The following TG variants were observed in gnomAD, a reference collection of about 807,000 sequenced individuals.
The protein encoded by TG is thyroid hormones.
Under a neutral mutation model 324.7 loss-of-function variants are expected in TG, and 270 were observed. The observed-to-expected ratio is 0.83, with a 90% CI of 0.75 to 0.92. The LOEUF is 0.92. Among genes scored for constraint, TG ranks in the 40% least tolerant of loss-of-function variants. The probability of loss-of-function intolerance (pLI) is 0.00; values close to 1 mark genes in which losing one functional copy is unlikely to be tolerated. For missense variants in TG, 3,591 were observed against 3,456.4 expected, an observed-to-expected ratio of 1.04 and a Z score of -0.98; for synonymous variants, 1,401 against 1,327.0, an observed-to-expected ratio of 1.06 and a Z score of -1.21.
chr8:133,085,550 G>A (rs1846391634), intron 41 of TG, among the ~76,000 whole-genome samples: 1 of 152,116 alleles, frequency 6.6e-6, no homozygotes, highest in African/African-American at 2.4e-5. Context: ...CAAGGGATCT[G>A]AATAGACATT....
chr8:132,894,467 T>C (rs967838713), intron 11 of TG, among the ~76,000 whole-genome samples: 4 of 152,048 alleles, frequency 2.6e-5, no homozygotes, highest in African/African-American at 9.7e-5. Flanking sequence ...TATGCTTTTT[T>C]TTTTTTTTTG....
intron 41 of TG, among the ~76,000 whole-genome samples, chr8:133,093,805 T>A (rs1265969092): frequency 6.6e-6 from 1 of 152,196 alleles, no homozygotes; most frequent in Non-Finnish European, 1.5e-5. Flanking sequence ...GTTTGGCCGC[T>A]GGGGTCAGAT....
intron 41 of TG, among the ~76,000 whole-genome samples, chr8:133,045,499 A>T (rs1434328935): frequency 7.1e-6 from 1 of 141,598 alleles, no homozygotes; most frequent in East Asian, 2.1e-4. Flanking sequence ...GGCTCAAGGG[A>T]TCCTCCCACC....
At chr8:132,990,578 C>T (rs1367407016) in intron 35 of TG, among the ~76,000 whole-genome samples, 2 of 152,124 alleles carry the variant, frequency 1.3e-5, no homozygotes, top group Admixed American at 1.3e-4. Context: ...GTCTCCTCCC[C>T]CTCCCTCTGA....
chr8:133,115,690 G>C (rs757985123), intron 44 of TG, among the ~76,000 whole-genome samples: 1 of 152,242 alleles, frequency 6.6e-6, no homozygotes, highest in Non-Finnish European at 1.5e-5. Flanking sequence ...GAACTGCTGA[G>C]TATCTCACCT....
intron 41 of TG, among the ~76,000 whole-genome samples, chr8:133,058,215 T>A (rs1470382024): frequency 1.3e-5 from 2 of 152,042 alleles, no homozygotes; most frequent in African/African-American, 4.8e-5. Flanking sequence ...GAAACAACGT[T>A]AGGACCAATG....
intron 35 of TG, among the ~76,000 whole-genome samples, chr8:132,994,309 T>C (rs1176755345): frequency 6.6e-6 from 1 of 152,226 alleles, no homozygotes; most frequent in Non-Finnish European, 1.5e-5. Flanking sequence ...AATATCAATA[T>C]TTTAATATCT....
At chr8:132,956,870 G>T (rs898346593) in intron 27 of TG, among the ~76,000 whole-genome samples, 9 of 152,072 alleles carry the variant, frequency 5.9e-5, no homozygotes, top group Non-Finnish European at 1.0e-4. Flanking sequence ...TGAGAGGAAG[G>T]GTTTGGAGGA....
intron 32 of TG, among the ~76,000 whole-genome samples, chr8:132,969,910 C>CAAAAAAAAAAAAAAAAAAAAAAAAAAAA: frequency 1.7e-5 from 1 of 58,074 alleles, no homozygotes. Context: ...GAGACTCTGT[C>CAAAAAAAAAAAAAAAAAAAAAAAAAAAA]AAAAAAAAAA....
chr8:133,116,457 A>T, intron 44 of TG, 152 bp from the exon 45 acceptor site: 1 of 692,530 alleles, frequency 1.4e-6, no homozygotes, highest in South Asian at 1.5e-5. Context: ...CTTGGAGAGC[A>T]TTGCTGGGGA....
chr8:133,120,192 G>A (rs1851030194), intron 45 of TG, among the ~76,000 whole-genome samples: 1 of 152,200 alleles, frequency 6.6e-6, no homozygotes, highest in Admixed American at 6.5e-5. Context: ...AATGAAAGGT[G>A]TAACTCTCTC....
chr8:132,928,770 A>G (rs761387742), intron 22 of TG, among the ~76,000 whole-genome samples: 8 of 152,258 alleles, frequency 5.3e-5, no homozygotes, highest in Non-Finnish European at 8.8e-5. Context: ...ATAGGGACAG[A>G]GAAATATAAG....
chr8:133,068,763 T>C (rs1387370243), intron 41 of TG, among the ~76,000 whole-genome samples: 1 of 152,206 alleles, frequency 6.6e-6, no homozygotes, highest in Non-Finnish European at 1.5e-5. Flanking sequence ...GACGTGGCTT[T>C]GATAGTTCAT....
intron 31 of TG, 91 bp from the exon 32 acceptor site, chr8:132,969,367 A>G: frequency 1.1e-6 from 1 of 895,182 alleles, no homozygotes; most frequent in South Asian, 1.4e-5. Flanking sequence ...TTAATTGGAA[A>G]CTTTCAGTCT....
chr8:133,020,045 G>T (rs532563936), intron 39 of TG, among the ~76,000 whole-genome samples: 1 of 152,270 alleles, frequency 6.6e-6, no homozygotes, highest in Non-Finnish European at 1.5e-5. Context: ...AAATCGATTA[G>T]TCAATCAATT....
At chr8:133,038,772 A>C (rs186233001) in intron 41 of TG, 1 of 1,453,680 alleles carries the variant, frequency 6.9e-7, no homozygotes, top group Non-Finnish European at 9.6e-7. Context: ...AGAGAAAGGG[A>C]AAAAAAGAGA....
At chr8:132,979,692 A>G (rs1219975240) in intron 34 of TG, among the ~76,000 whole-genome samples, 2 of 146,622 alleles carry the variant, frequency 1.4e-5, no homozygotes, top group African/African-American at 5.2e-5. Context: ...ATATGTTACA[A>G]CTGATGAAGT....
intron 11 of TG, among the ~76,000 whole-genome samples, chr8:132,895,494 G>A (rs994254473): frequency 6.6e-6 from 1 of 152,234 alleles, no homozygotes; most frequent in African/African-American, 2.4e-5. Flanking sequence ...GGAGAACAAG[G>A]CACTGTGTCT....
chr8:133,022,486 C>T (rs1222040249), intron 40 of TG, among the ~76,000 whole-genome samples: 3 of 152,140 alleles, frequency 2.0e-5, no homozygotes, highest in Non-Finnish European at 4.4e-5. Context: ...ACTATACAGT[C>T]AGGGAACAGC....
Sources: gnomAD v4.1 joint callset for allele counts (sites outside exome capture counted in the v4.1 genomes callset) on GRCh38, gnomAD v4.1.1 for gene constraint, MANE v1.5 for transcripts, NCBI Gene and HGNC (gene_info 2026-07-23, HGNC 2026-07-21) for gene names.